ZNF385D: variants seen among roughly 807,000 people sequenced by gnomAD.
The protein encoded by ZNF385D is zinc finger protein 385D.
ZNF385D carries 15 observed loss-of-function variants against 35.8 expected under a neutral mutation model. That is an observed-to-expected ratio of 0.42 (90% confidence interval 0.28 to 0.64). ZNF385D has a LOEUF of 0.64. Among genes scored for constraint, ZNF385D ranks in the 30% least tolerant of loss-of-function variants. The probability of loss-of-function intolerance (pLI) is 0.23; values close to 1 mark genes in which losing one functional copy is unlikely to be tolerated. For missense variants in ZNF385D, 474 were observed against 494.6 expected (o/e 0.96, Z 0.39); for synonymous variants, 212 against 186.8 (o/e 1.13, Z -1.10).
At chr3:21,941,335 G>GAGTAGT (rs1194149228) in intron 3 of ZNF385D, among the ~76,000 whole-genome samples, 2 of 152,064 alleles carry the variant, frequency 1.3e-5, no homozygotes, top group Non-Finnish European at 2.9e-5. Flanking sequence ...TTTGGAAATA[G>GAGTAGT]AGTAGTAGTA....
chr3:22,238,521 T>C (rs1406840323), intron 2 of ZNF385D, among the ~76,000 whole-genome samples: 1 of 151,042 alleles, frequency 6.6e-6, no homozygotes. Flanking sequence ...GTATACAAGT[T>C]TTACACTTAT....
rs147521148 is a variant in ZNF385D, at chr3:22,196,817, T to G, written c.107-27782A>C. On this transcript the variant is annotated intron_variant, in intron 2 of 5. Coordinates refer to the ZNF385D transcript ENST00000494108. ...TTCACCATTTTGATGATTAGTTCCT[T>G]ACTGTACTAACCTGCTTTTATCTGA... 2.8e-3 allele frequency among the ~76,000 whole-genome samples: 428 copies of G among 152,184 alleles called. 1 individual carries two copies. The highest frequency in any genetic ancestry group is 0.01 in the African/African-American group (419 of 41,574).
intron 3 of ZNF385D, among the ~76,000 whole-genome samples, chr3:21,891,541 G>A (rs1254093965): frequency 6.6e-6 from 1 of 152,044 alleles, no homozygotes; most frequent in Non-Finnish European, 1.5e-5. Context: ...TATAAGACAT[G>A]GGTTTATTTC....
At chr3:21,857,329 G>C (rs1041269756) in intron 3 of ZNF385D, among the ~76,000 whole-genome samples, 2 of 152,058 alleles carry the variant, frequency 1.3e-5, no homozygotes, top group Non-Finnish European at 1.5e-5. Flanking sequence ...TTGATGTTTT[G>C]CTCATAGTGT....
intron 2 of ZNF385D, among the ~76,000 whole-genome samples, chr3:22,299,311 C>T (rs888799989): frequency 1.3e-5 from 2 of 151,718 alleles, no homozygotes; most frequent in African/African-American, 4.8e-5. Context: ...AAGAAATGCA[C>T]TCTTAAATAA....
At chr3:21,935,164 T>C (rs1482146546) in intron 3 of ZNF385D, among the ~76,000 whole-genome samples, 1 of 152,158 alleles carries the variant, frequency 6.6e-6, no homozygotes, top group Non-Finnish European at 1.5e-5. Flanking sequence ...AGAGAGGCTG[T>C]GGAGGAGTAT....
intron 1 of ZNF385D, among the ~76,000 whole-genome samples, chr3:21,718,131 C>T (rs990094973): frequency 1.3e-5 from 2 of 152,168 alleles, no homozygotes; most frequent in African/African-American, 4.8e-5. Context: ...AACAGGGTTG[C>T]TTGGCATATG....
At chr3:21,999,722 A>G (rs1695715451) in intron 3 of ZNF385D, among the ~76,000 whole-genome samples, 1 of 151,914 alleles carries the variant, frequency 6.6e-6, no homozygotes, top group Non-Finnish European at 1.5e-5. Context: ...GATTAAGCAG[A>G]AGAATTTCTA....
intron 3 of ZNF385D, among the ~76,000 whole-genome samples, chr3:21,887,726 T>C (rs975037505): frequency 6.6e-6 from 1 of 152,012 alleles, no homozygotes; most frequent in African/African-American, 2.4e-5. Flanking sequence ...GACAACAAAG[T>C]GTCTAAGACT....
chr3:21,446,055 T>C (rs1315334438), intron 4 of ZNF385D, among the ~76,000 whole-genome samples: 1 of 152,162 alleles, frequency 6.6e-6, no homozygotes, highest in African/African-American at 2.4e-5. Flanking sequence ...CCCAAAGAGT[T>C]TGACAAAACA....
intron 2 of ZNF385D, among the ~76,000 whole-genome samples, chr3:22,181,105 G>C (rs1221175978): frequency 6.6e-6 from 1 of 151,720 alleles, no homozygotes; most frequent in Non-Finnish European, 1.5e-5. Context: ...TCTGCAACCA[G>C]TTTTTCCATA....
intron 3 of ZNF385D, among the ~76,000 whole-genome samples, chr3:22,027,492 T>C (rs1396137829): frequency 6.6e-6 from 1 of 152,138 alleles, no homozygotes; most frequent in East Asian, 1.9e-4. Context: ...CCTCTAGGAT[T>C]TTGGAGCAAG....
intron 2 of ZNF385D, among the ~76,000 whole-genome samples, chr3:22,227,497 C>T (rs932556902): frequency 5.9e-5 from 9 of 152,138 alleles, no homozygotes; most frequent in African/African-American, 2.2e-4. Context: ...TTCGTTTGAT[C>T]ACATTTTGAC....
intron 3 of ZNF385D, among the ~76,000 whole-genome samples, chr3:21,799,545 A>G (rs1575670364): frequency 6.6e-6 from 1 of 152,000 alleles, no homozygotes. Context: ...TTGACTTTTC[A>G]TATTGTGGCC....
At chr3:21,821,015 T>C (rs908914925) in intron 3 of ZNF385D, among the ~76,000 whole-genome samples, 1 of 152,010 alleles carries the variant, frequency 6.6e-6, no homozygotes, top group Non-Finnish European at 1.5e-5. Context: ...CCTGCAAGAA[T>C]ACACTAAATG....
chr3:21,426,571 T>C (rs529010478), intron 5 of ZNF385D, among the ~76,000 whole-genome samples: 1 of 152,274 alleles, frequency 6.6e-6, no homozygotes, highest in African/African-American at 2.4e-5. Flanking sequence ...CACTTGGTCA[T>C]GTGTTTTTTC....
intron 4 of ZNF385D, among the ~76,000 whole-genome samples, chr3:21,498,783 A>T (rs546774027): frequency 1.3e-5 from 2 of 152,098 alleles, no homozygotes; most frequent in East Asian, 3.9e-4. Context: ...CTCTACTAAA[A>T]ATACAAAAAA....
intron 2 of ZNF385D, among the ~76,000 whole-genome samples, chr3:22,359,605 C>A (rs1268200457): frequency 6.6e-6 from 1 of 151,724 alleles, no homozygotes; most frequent in African/African-American, 2.4e-5. Context: ...TGGTATCTAC[C>A]ATTTAAATGT....
At chr3:21,614,131 T>TACTA (rs1345149480) in intron 2 of ZNF385D, among the ~76,000 whole-genome samples, 3 of 152,186 alleles carry the variant, frequency 2.0e-5, no homozygotes, top group African/African-American at 7.2e-5. Flanking sequence ...TGGGTGGCTT[T>TACTA]ACTAACAGAA....
Sources: allele counts gnomAD v4.1 joint callset (sites outside exome capture counted in the v4.1 genomes callset), GRCh38; gene constraint gnomAD v4.1.1; transcripts MANE v1.5; gene names NCBI Gene and HGNC (gene_info 2026-07-23, HGNC 2026-07-21).